RPS6KC1: variants seen among roughly 807,000 people sequenced by gnomAD.
The protein encoded by RPS6KC1 is ribosomal protein S6 kinase C1.
RPS6KC1 carries 54 observed loss-of-function variants against 103.8 expected under a neutral mutation model. That is an observed-to-expected ratio of 0.52 (90% CI 0.42 to 0.65). The LOEUF (loss-of-function observed/expected upper bound fraction) is 0.65, where lower values mean the gene tolerates loss of function less well. RPS6KC1 is among the 30% of genes least tolerant of loss of function. RPS6KC1 has a pLI of 0.00. For missense variants in RPS6KC1, 1,151 were observed against 1,253.8 expected, an observed-to-expected ratio of 0.92 and a Z score of 1.24; for synonymous variants, 439 against 438.7, an observed-to-expected ratio of 1.00 and a Z score of -0.01.
the RPS6KC1 span, among the ~76,000 whole-genome samples, chr1:213,787,638 G>T: frequency 6.6e-6 from 1 of 151,948 alleles, no homozygotes; most frequent in Non-Finnish European, 1.5e-5. Flanking sequence ...CTGGTTGATA[G>T]CTAGGTGGAT....
intron 10 of RPS6KC1, 63 bp from the exon 11 acceptor site, chr1:213,240,639 C>T: frequency 4.3e-6 from 6 of 1,384,372 alleles, no homozygotes; most frequent in East Asian, 4.6e-5. Flanking sequence ...TTTCTAATGG[C>T]TTAAATAACT....
At chr1:213,304,397 A>G in the RPS6KC1 span, among the ~76,000 whole-genome samples, 4 of 152,256 alleles carry the variant, frequency 2.6e-5, no homozygotes, top group South Asian at 6.2e-4. Context: ...AGAAACTTTC[A>G]AAGAAGAAAC....
At chr1:213,169,896 C>G (rs1227473596) in intron 7 of RPS6KC1, among the ~76,000 whole-genome samples, 1 of 151,744 alleles carries the variant, frequency 6.6e-6, no homozygotes, top group Non-Finnish European at 1.5e-5. Flanking sequence ...ATTCTCCTGC[C>G]TCAGCCTCCC....
At chr1:213,538,840 A>C in the RPS6KC1 span, among the ~76,000 whole-genome samples, 1 of 152,216 alleles carries the variant, frequency 6.6e-6, no homozygotes, top group African/African-American at 2.4e-5. Context: ...CCCTATACTT[A>C]TTTTGAAGGA....
At chr1:213,194,978 C>A (rs2092887222) in intron 8 of RPS6KC1, among the ~76,000 whole-genome samples, 1 of 152,082 alleles carries the variant, frequency 6.6e-6, no homozygotes, top group Non-Finnish European at 1.5e-5. Flanking sequence ...GAGAACAGAT[C>A]TATGGATGCC....
At chr1:213,386,678 G>A in the RPS6KC1 span, among the ~76,000 whole-genome samples, 1 of 152,188 alleles carries the variant, frequency 6.6e-6, no homozygotes, top group Non-Finnish European at 1.5e-5. Context: ...GGACTCGGTA[G>A]GGATTTCGGA....
chr1:213,686,315 G>T, the RPS6KC1 span, among the ~76,000 whole-genome samples: 1 of 152,148 alleles, frequency 6.6e-6, no homozygotes, highest in South Asian at 2.1e-4. Context: ...TTCCAGCTGA[G>T]AAAGAACTCC....
chr1:213,295,949 T>G, the RPS6KC1 span, among the ~76,000 whole-genome samples: 139 of 152,326 alleles, frequency 9.1e-4, 2 homozygotes, highest in East Asian at 0.024. Flanking sequence ...ATCCAGGTTT[T>G]TATTAGCCTT....
chr1:213,272,742 G>A lies in RPS6KC1; in HGVS notation c.*108G>A. ...TACTTATGGAGCACCAAAGCATTTG[G>A]ATAAAGACCGTTATAGGAAATGGGG... On this transcript the variant is annotated 3_prime_UTR_variant, in exon 15 of 15. Transcript: ENST00000366960. The A allele has an allele frequency of 1.3e-6, 1 of 750,462 alleles. No homozygotes were observed. Among genetic ancestry groups the A allele is most frequent in the Non-Finnish European group, 2.3e-6 (1 of 433,274 alleles). The allele number at this position is 750,462 out of a possible 1,614,324, so 46.5% of individuals were successfully genotyped here. A position where few individuals can be genotyped will look rare whatever the true frequency, so the allele number is the denominator to read the frequency against.
the RPS6KC1 span, among the ~76,000 whole-genome samples, chr1:213,843,904 T>C: frequency 6.6e-6 from 1 of 151,970 alleles, no homozygotes; most frequent in African/African-American, 2.4e-5. Context: ...AGAAAAAGAC[T>C]CTTTAAAACT....
chr1:213,842,531 T>C, the RPS6KC1 span, among the ~76,000 whole-genome samples: 1 of 152,266 alleles, frequency 6.6e-6, no homozygotes, highest in African/African-American at 2.4e-5. Context: ...AAGGTATACA[T>C]TACAAATTCA....
chr1:213,460,269 G>T, the RPS6KC1 span, among the ~76,000 whole-genome samples: 2 of 152,144 alleles, frequency 1.3e-5, no homozygotes, highest in Non-Finnish European at 2.9e-5. Flanking sequence ...TCCTATATTG[G>T]GTGCATATAT....
intron 3 of RPS6KC1, 94 bp from the exon 4 acceptor site, chr1:213,104,360 G>C (rs752026794): frequency 2.6e-5 from 19 of 727,478 alleles, no homozygotes; most frequent in Middle Eastern, 4.9e-4. Flanking sequence ...CTAAGTGATA[G>C]GCCTGCTGCT....
chr1:213,840,911 A>G, the RPS6KC1 span: 2 of 152,268 alleles, frequency 1.3e-5, no homozygotes, highest in African/African-American at 2.4e-5. Flanking sequence ...GAGAAGTGGG[A>G]CAAGAAAACT....
At chr1:213,440,593 T>TAAAA in the RPS6KC1 span, among the ~76,000 whole-genome samples, 20 of 100,376 alleles carry the variant, frequency 2.0e-4, no homozygotes, top group Non-Finnish European at 2.8e-4. Context: ...TTAATGGAAC[T>TAAAA]AAAAAAAAAA....
chr1:213,683,388 G>C, the RPS6KC1 span, among the ~76,000 whole-genome samples: 1 of 152,090 alleles, frequency 6.6e-6, no homozygotes, highest in Non-Finnish European at 1.5e-5. Context: ...TTGTCCTAAG[G>C]AAGTTAGAGA....
At chr1:213,311,767 A>G in the RPS6KC1 span, among the ~76,000 whole-genome samples, 1 of 152,090 alleles carries the variant, frequency 6.6e-6, no homozygotes, top group South Asian at 2.1e-4. Flanking sequence ...GATTTTAAAC[A>G]TTATTATCAA....
the RPS6KC1 span, among the ~76,000 whole-genome samples, chr1:213,516,324 G>A: frequency 8.7e-5 from 13 of 150,256 alleles, no homozygotes; most frequent in South Asian, 2.1e-4. Context: ...CAAAGGGAAT[G>A]CTTCCAGTTT....
rs1031195712 is a variant in RPS6KC1 at position 213,273,837 on chromosome 1, T to G, written c.*1203T>G. 6.6e-6 allele frequency: 1 copy of G among 152,242 alleles called. No homozygotes were observed. Among genetic ancestry groups the G allele is most frequent in the Non-Finnish European group, 1.5e-5 (1 of 68,040 alleles). The allele number at this position is 152,242 out of a possible 1,614,324, so 9.4% of individuals were successfully genotyped here. ...TGTTTTAAAAGTGTTAACATCTGTT[T>G]TTTTTTAAACGTTAGCCAAAGAAGA... On this transcript the variant is annotated 3_prime_UTR_variant, in exon 15 of 15. Coordinates refer to ENST00000366960, the MANE Select transcript of RPS6KC1 (RefSeq NM_012424.6).
Sources: gnomAD v4.1 joint callset for allele counts (sites outside exome capture counted in the v4.1 genomes callset) on GRCh38, gnomAD v4.1.1 for gene constraint, MANE v1.5 for transcripts, NCBI Gene and HGNC (gene_info 2026-07-23, HGNC 2026-07-21) for gene names.